The following ITPRID1 variants were observed in gnomAD, a reference collection of about 807,000 sequenced individuals.
ITPRID1 encodes protein ITPRID1.
ITPRID1 carries 96 observed loss-of-function variants against 95.4 expected under a neutral mutation model. That is an observed-to-expected ratio of 1.01 (90% CI 0.85 to 1.19). The LOEUF (loss-of-function observed/expected upper bound fraction) is 1.19. Ranked by LOEUF, ITPRID1 falls within the 50% of genes most tolerant of loss-of-function variation. ITPRID1 has a pLI of 0.00. For missense variants in ITPRID1, 1,339 were observed against 1,252.9 expected, an observed-to-expected ratio of 1.07 and a Z score of -1.04; for synonymous variants, 510 against 453.6, an observed-to-expected ratio of 1.12 and a Z score of -1.58.
intron 10 of ITPRID1, among the ~76,000 whole-genome samples, chr7:31,598,800 A>T (rs1477147307): frequency 6.6e-6 from 1 of 152,232 alleles, no homozygotes; most frequent in African/African-American, 2.4e-5. Flanking sequence ...AAAACTGACG[A>T]ATAAACAAGA....
At chr7:31,597,939 GAAAT>G (rs916551510) in intron 10 of ITPRID1, among the ~76,000 whole-genome samples, 1 of 152,074 alleles carries the variant, frequency 6.6e-6, no homozygotes, top group African/African-American at 2.4e-5. Context: ...ATAAACCAAT[GAAAT>G]AAACAGCTCA....
chr7:31,632,449 AAAAT>A (rs1194377583), intron 10 of ITPRID1, among the ~76,000 whole-genome samples: 4 of 152,148 alleles, frequency 2.6e-5, no homozygotes, highest in African/African-American at 4.8e-5. Context: ...TCCTTCTCAA[AAAAT>A]AAATAAATAA....
intron 5 of ITPRID1, among the ~76,000 whole-genome samples, chr7:31,560,618 A>T (rs1468561576): frequency 1.3e-5 from 2 of 152,194 alleles, no homozygotes; most frequent in Non-Finnish European, 2.9e-5. Context: ...TGTATGTGGG[A>T]TATCAAAGAA....
At chr7:31,618,386 C>T (rs1562615021) in intron 10 of ITPRID1, among the ~76,000 whole-genome samples, 2 of 152,154 alleles carry the variant, frequency 1.3e-5, no homozygotes, top group African/African-American at 4.8e-5. Context: ...TAACACACAC[C>T]ACTACTAATT....
chr7:31,540,850 A>T (rs954018091), intron 1 of ITPRID1, among the ~76,000 whole-genome samples: 1 of 152,160 alleles, frequency 6.6e-6, no homozygotes, highest in Non-Finnish European at 1.5e-5. Context: ...GAAACCCTCT[A>T]CAGGGACTGT....
intron 10 of ITPRID1, among the ~76,000 whole-genome samples, chr7:31,596,015 C>T (rs1156657052): frequency 2.0e-5 from 3 of 151,496 alleles, no homozygotes; most frequent in African/African-American, 7.2e-5. Context: ...ACTATTGATG[C>T]CACTTAAGGA....
At chr7:31,527,564 C>T (rs954456385) in intron 1 of ITPRID1, among the ~76,000 whole-genome samples, 2 of 152,128 alleles carry the variant, frequency 1.3e-5, no homozygotes, top group Admixed American at 6.5e-5. Flanking sequence ...ACTGGAGCAC[C>T]TCCTCCTTTT....
At chr7:31,617,547 A>G (rs1788806917) in intron 10 of ITPRID1, among the ~76,000 whole-genome samples, 2 of 152,290 alleles carry the variant, frequency 1.3e-5, no homozygotes, top group South Asian at 4.1e-4. Flanking sequence ...GAGTTCAGAC[A>G]AAATTATTTA....
rs1786629867 is a variant in ITPRID1, at chr7:31,606,467, GA to G, written c.1228+23277del. Among the ~76,000 whole-genome samples the G allele has an allele frequency of 2.0e-5, 3 of 151,908 alleles. No individual in the cohort carries two copies. The East Asian group carries it at 5.8e-4, about 29-fold the overall frequency. ...GACACAGAAAAGAAAACGAGAGAGA[GA>G]GAGAGGAAAAAAAAGGAAAGATAAC... On this transcript the variant is annotated intron_variant, in intron 10 of 14. Coordinates refer to ENST00000615280, the MANE Select transcript of ITPRID1 (RefSeq NM_001257967.3).
chr7:31,545,940 T>C (rs1356699149), intron 1 of ITPRID1, among the ~76,000 whole-genome samples: 1 of 152,142 alleles, frequency 6.6e-6, no homozygotes, highest in Non-Finnish European at 1.5e-5. Context: ...AGTTTTTGAG[T>C]GATCTTCCAA....
intron 5 of ITPRID1, among the ~76,000 whole-genome samples, chr7:31,559,953 T>C (rs974714981): frequency 1.3e-5 from 2 of 152,188 alleles, no homozygotes; most frequent in African/African-American, 4.8e-5. Context: ...GATTGCCTCC[T>C]AAAACCAGGC....
chr7:31,638,807 T>C (rs1408759923), intron 10 of ITPRID1, among the ~76,000 whole-genome samples: 1 of 152,172 alleles, frequency 6.6e-6, no homozygotes, highest in Admixed American at 6.5e-5. Context: ...GATGGAGACT[T>C]GCTCTGTCGC....
chr7:31,566,539 T>C lies in ITPRID1; in HGVS notation c.257-3219T>C, dbSNP rs558477102. ...CCAGGCACAAATGGAGGCCTTACTT[T>C]GTGAGTTACATGCAAAGTAGTAGAT... On this transcript the variant is annotated intron_variant, in intron 5 of 14. Transcript: ENST00000615280. Among the ~76,000 whole-genome samples, 7 of 152,344 alleles carry C rather than the reference T, an allele frequency of 4.6e-5. No homozygotes were observed. In the South Asian group the frequency reaches 6.2e-4, roughly 14 times the overall value.
At chr7:31,550,342 G>C (rs1034031940) in intron 2 of ITPRID1, among the ~76,000 whole-genome samples, 1 of 151,990 alleles carries the variant, frequency 6.6e-6, no homozygotes, top group South Asian at 2.1e-4. Flanking sequence ...GGATTCCCCA[G>C]GCATGGAATG....
chr7:31,538,960 A>C (rs569337003), intron 1 of ITPRID1, among the ~76,000 whole-genome samples: 1 of 152,282 alleles, frequency 6.6e-6, no homozygotes, highest in East Asian at 1.9e-4. Flanking sequence ...TGATGCAGTT[A>C]AGTTGATAAT....
chr7:31,600,936 C>G lies in ITPRID1; in HGVS notation c.1228+17745C>G, dbSNP rs1379111174. 2.6e-5 allele frequency among the ~76,000 whole-genome samples: 4 copies of G among 152,068 alleles called. 1 individual carries two copies. The highest frequency in any genetic ancestry group is 4.8e-5 in the African/African-American group (2 of 41,392). ...TTTAAAGAGGTAATGCAATAATTGC[C>G]AAAACATCACCCAAGATTCCTAGTG... On this transcript the variant is annotated intron_variant, in intron 10 of 14. Coordinates refer to ENST00000615280, the MANE Select transcript of ITPRID1 (RefSeq NM_001257967.3).
chr7:31,640,774 T>A (rs1172650569), intron 10 of ITPRID1, among the ~76,000 whole-genome samples: 2 of 152,232 alleles, frequency 1.3e-5, no homozygotes, highest in Non-Finnish European at 2.9e-5. Context: ...AAATATTTTC[T>A]ATTTTTTTAC....
chr7:31,603,321 C>T (rs1482070436), intron 10 of ITPRID1, among the ~76,000 whole-genome samples: 2 of 152,178 alleles, frequency 1.3e-5, no homozygotes, highest in African/African-American at 2.4e-5. Context: ...ATTCTAGCTT[C>T]CCAGCATGCC....
intron 10 of ITPRID1, among the ~76,000 whole-genome samples, chr7:31,616,185 TTAATA>T (rs1420084475): frequency 2.2e-5 from 3 of 136,674 alleles, no homozygotes; most frequent in African/African-American, 5.4e-5. Flanking sequence ...TTATGATTTG[TTAATA>T]TATTAATAAC....
Sources: allele counts gnomAD v4.1 joint callset (sites outside exome capture counted in the v4.1 genomes callset), GRCh38; gene constraint gnomAD v4.1.1; transcripts MANE v1.5; gene names NCBI Gene and HGNC (gene_info 2026-07-23, HGNC 2026-07-21).